TOM1L2: variants seen among roughly 807,000 people sequenced by gnomAD.
TOM1L2 encodes target of myb1 like 2 membrane trafficking protein.
In TOM1L2, 31 loss-of-function variants were observed where a neutral mutation model predicts 67.9. The ratio of observed to expected loss-of-function variants is 0.46; its 90% confidence interval spans 0.34 to 0.62. The LOEUF is 0.62. Ranked by LOEUF, TOM1L2 falls within the 20% of genes least tolerant of loss-of-function variation. The pLI, the probability that TOM1L2 is intolerant of heterozygous loss-of-function variation, is 0.01. For synonymous variants in TOM1L2, 256 were observed against 254.0 expected, an observed-to-expected ratio of 1.01 and a Z score of -0.07; for missense variants, 606 against 663.5, an observed-to-expected ratio of 0.91 and a Z score of 0.95.
intron 1 of TOM1L2, among the ~76,000 whole-genome samples, chr17:17,950,439 G>GT (rs1568362542): frequency 4.6e-5 from 7 of 152,008 alleles, no homozygotes. Context: ...TATTACAGGC[G>GT]TGAGTCACTA....
At chr17:17,931,144 C>T (rs1373331375) in intron 1 of TOM1L2, among the ~76,000 whole-genome samples, 2 of 152,206 alleles carry the variant, frequency 1.3e-5, no homozygotes, top group African/African-American at 4.8e-5. Flanking sequence ...AAGAACTACA[C>T]ATTCAACCAA....
At chr17:17,946,261 G>A (rs927676164) in intron 1 of TOM1L2, among the ~76,000 whole-genome samples, 3 of 123,542 alleles carry the variant, frequency 2.4e-5, no homozygotes, top group Non-Finnish European at 3.3e-5. Flanking sequence ...CAATTCAGTG[G>A]CATTAGTACA....
At chr17:17,889,092 C>T (rs950184809) in intron 4 of TOM1L2, among the ~76,000 whole-genome samples, 1 of 152,162 alleles carries the variant, frequency 6.6e-6, no homozygotes, top group African/African-American at 2.4e-5. Flanking sequence ...GCGGGTAAGC[C>T]GACTGAGCCC....
At chr17:17,930,285 T>G (rs1413408651) in intron 1 of TOM1L2, among the ~76,000 whole-genome samples, 1 of 152,166 alleles carries the variant, frequency 6.6e-6, no homozygotes, top group Non-Finnish European at 1.5e-5. Flanking sequence ...TAGCCCATTC[T>G]CCTAACAAAA....
chr17:17,898,308 C>T (rs553791494), intron 3 of TOM1L2, among the ~76,000 whole-genome samples: 2 of 152,322 alleles, frequency 1.3e-5, no homozygotes, highest in African/African-American at 4.8e-5. Flanking sequence ...AAGGGACCCA[C>T]CCAAAACCTT....
At chr17:17,889,359 A>T (rs977534702) in intron 4 of TOM1L2, among the ~76,000 whole-genome samples, 2 of 152,126 alleles carry the variant, frequency 1.3e-5, no homozygotes, top group Non-Finnish European at 2.9e-5. Context: ...TCTGAAAGGG[A>T]ATCAGAAGGT....
chr17:17,912,873 C>G (rs2039453300), intron 1 of TOM1L2, among the ~76,000 whole-genome samples: 1 of 152,166 alleles, frequency 6.6e-6, no homozygotes. Flanking sequence ...GAGATCATGC[C>G]ACTGCACTCC....
At chr17:17,860,891 G>T (rs2036521217) in intron 12 of TOM1L2, among the ~76,000 whole-genome samples, 1 of 152,278 alleles carries the variant, frequency 6.6e-6, no homozygotes, top group East Asian at 1.9e-4. Context: ...CACCGCCACA[G>T]GACACCCTCC....
chr17:17,972,156 C>G (rs2042131327), intron 1 of TOM1L2, 106 bp downstream of exon 1: 1 of 1,422,722 alleles, frequency 7.0e-7, no homozygotes, highest in Non-Finnish European at 9.6e-7. Flanking sequence ...GGCGGAGGCC[C>G]AGCCCGCTCG....
At chr17:17,885,165 CCCT>C (rs2037931285) in intron 4 of TOM1L2, among the ~76,000 whole-genome samples, 1 of 152,240 alleles carries the variant, frequency 6.6e-6, no homozygotes, top group Non-Finnish European at 1.5e-5. Context: ...AGGGTGCCTG[CCCT>C]CTGTGCGGGA....
intron 1 of TOM1L2, among the ~76,000 whole-genome samples, chr17:17,918,655 T>C (rs2039730711): frequency 6.6e-6 from 1 of 152,198 alleles, no homozygotes. Context: ...CTAGCTCCCA[T>C]CCAACGTCCT....
At chr17:17,897,621 A>G (rs1459737558) in intron 3 of TOM1L2, among the ~76,000 whole-genome samples, 1 of 152,160 alleles carries the variant, frequency 6.6e-6, no homozygotes, top group African/African-American at 2.4e-5. Context: ...AAGGGCAAAA[A>G]TCTGGTCTGT....
At position 17,848,838 on chromosome 17, in the gene TOM1L2, C is replaced by T. The variant is rs1280705025; in HGVS notation, c.1360G>A (p.Gly454Ser). The change falls in exon 14 of 15, where the codon GGT (glycine) becomes AGT (serine). Residue 454 changes from glycine to serine, a missense_variant. Physicochemically the swap from Gly to Ser is moderately conservative, Grantham distance 56 (BLOSUM62 0). Transcript: ENST00000379504. ...TDLKGDDLEE[G>S]VTSEEFDKFL... The stretch of plus-strand genomic sequence containing the variant: ...CAGGCCATACCTTCACTTGTGACAC[C>T]CTCCTCCAGATCATCACCCTTCTGT... 1 of 1,614,086 alleles carries T rather than the reference C, an allele frequency of 6.2e-7. No homozygotes were observed. The highest frequency in any genetic ancestry group is 1.7e-5 in the Admixed American group (1 of 60,030).
intron 7 of TOM1L2, among the ~76,000 whole-genome samples, chr17:17,877,294 C>G (rs914954875): frequency 6.4e-4 from 97 of 152,348 alleles, no homozygotes; most frequent in African/African-American, 2.2e-3. Context: ...ATTCCCCCCA[C>G]CTCCTACCCC....
intron 1 of TOM1L2, among the ~76,000 whole-genome samples, chr17:17,942,789 A>C (rs1163132274): frequency 6.6e-6 from 1 of 152,190 alleles, no homozygotes; most frequent in Non-Finnish European, 1.5e-5. Flanking sequence ...ATAGAAAAGG[A>C]AGCAGTCAGA....
At chr17:17,866,851 G>A (rs1452307421) in intron 9 of TOM1L2, 25 bp downstream of exon 9, 2 of 1,611,570 alleles carry the variant, frequency 1.2e-6, no homozygotes, top group Non-Finnish European at 8.5e-7. Context: ...CTCAGGAGAT[G>A]ACAGGATTCT....
At chr17:17,937,248 T>G (rs1418669626) in intron 1 of TOM1L2, among the ~76,000 whole-genome samples, 1 of 152,190 alleles carries the variant, frequency 6.6e-6, no homozygotes, top group Non-Finnish European at 1.5e-5. Flanking sequence ...GCCTAATGAA[T>G]TCCCTCCTCC....
At chr17:17,907,553 G>T in intron 1 of TOM1L2, 22 bp from the exon 2 acceptor site, 4 of 1,609,736 alleles carry the variant, frequency 2.5e-6, no homozygotes, top group Non-Finnish European at 3.4e-6. Flanking sequence ...GAGAGAAAAT[G>T]GGTTTACATT....
chr17:17,912,968 G>A (rs1000327237), intron 1 of TOM1L2, among the ~76,000 whole-genome samples: 5 of 152,220 alleles, frequency 3.3e-5, no homozygotes, highest in Admixed American at 3.3e-4. Context: ...CGGATCGCTC[G>A]CGGTTAGGAG....
Sources: gnomAD v4.1 joint callset for allele counts (sites outside exome capture counted in the v4.1 genomes callset) on GRCh38, gnomAD v4.1.1 for gene constraint, MANE v1.5 for transcripts, NCBI Gene and HGNC (gene_info 2026-07-23, HGNC 2026-07-21) for gene names.